The following STK38 variants were observed in gnomAD, a reference collection of about 807,000 sequenced individuals.
STK38 encodes the protein serine/threonine kinase 38.
STK38 carries 26 observed loss-of-function variants against 59.0 expected under a neutral mutation model. That is an observed-to-expected ratio of 0.44 (90% CI 0.32 to 0.61). The LOEUF (loss-of-function observed/expected upper bound fraction) is 0.61, where lower values mean the gene tolerates loss of function less well. Ranked by LOEUF, STK38 falls within the 20% of genes least tolerant of loss-of-function variation. The pLI, the probability that STK38 is intolerant of heterozygous loss-of-function variation, is 0.04. For synonymous variants in STK38, 175 were observed against 176.6 expected, an observed-to-expected ratio of 0.99 and a Z score of 0.07; for missense variants, 433 against 566.0, an observed-to-expected ratio of 0.76 and a Z score of 2.38.
intron 7 of STK38, among the ~76,000 whole-genome samples, chr6:36,509,500 G>A (rs1211008473): frequency 2.0e-5 from 3 of 151,160 alleles, no homozygotes; most frequent in Non-Finnish European, 4.4e-5. Flanking sequence ...GAAAGCTTAG[G>A]TTAGATAACA....
chr6:36,545,145 T>C (rs921036034), intron 1 of STK38, among the ~76,000 whole-genome samples: 6 of 151,556 alleles, frequency 4.0e-5, no homozygotes, highest in Non-Finnish European at 8.8e-5. Context: ...CAAAAAAAAT[T>C]AGCCGGGTGT....
At chr6:36,529,774 CA>C (rs1443613193) in intron 2 of STK38, among the ~76,000 whole-genome samples, 2 of 152,318 alleles carry the variant, frequency 1.3e-5, no homozygotes, top group Admixed American at 6.5e-5. Context: ...AATGTGCAGA[CA>C]CATTCATGAC....
At chr6:36,534,580 G>A (rs1003937451) in intron 2 of STK38, among the ~76,000 whole-genome samples, 1 of 152,022 alleles carries the variant, frequency 6.6e-6, no homozygotes, top group Non-Finnish European at 1.5e-5. Flanking sequence ...TCGAGCCCAG[G>A]AGGTCAAGGC....
intron 2 of STK38, among the ~76,000 whole-genome samples, chr6:36,527,207 A>AAAAAAAATATATATAT (rs60162863): frequency 2.5e-5 from 3 of 119,352 alleles, no homozygotes; most frequent in African/African-American, 1.0e-4. Flanking sequence ...AAAAAAAAAA[A>AAAAAAAATATATATAT]ATATATGTAT....
chr6:36,535,317 C>A (rs1368800673), intron 2 of STK38, among the ~76,000 whole-genome samples: 1 of 151,852 alleles, frequency 6.6e-6, no homozygotes, highest in Non-Finnish European at 1.5e-5. Flanking sequence ...ACGGTGGTGG[C>A]AGGTGCCTGT....
At position 36,542,661 on chromosome 6, in the gene STK38, T is replaced by C. The variant is rs895303027; in HGVS notation, c.-5-2454A>G. 2.9e-4 allele frequency among the ~76,000 whole-genome samples: 44 copies of C among 149,956 alleles called. 1 individual carries two copies. Among genetic ancestry groups the C allele is most frequent in the African/African-American group, 1.0e-3 (41 of 40,596 alleles). ...TCAGTCTCAAAAATAAATAATAAAA[T>C]CGGCTGAGCGCGGTGGCTCACGCCT... is the stretch of plus-strand genomic sequence containing the variant. On this transcript the variant is annotated intron_variant, in intron 1 of 13. Coordinates refer to ENST00000229812, the MANE Select transcript of STK38 (RefSeq NM_007271.4).
At chr6:36,525,316 C>A (rs77778715) in intron 3 of STK38, among the ~76,000 whole-genome samples, 1 of 142,910 alleles carries the variant, frequency 7.0e-6, no homozygotes, top group Non-Finnish European at 1.5e-5. Context: ...CTACAACTTG[C>A]TCTTTTAAAA....
intron 7 of STK38, among the ~76,000 whole-genome samples, chr6:36,510,290 C>CA (rs1409097656): frequency 4.6e-5 from 7 of 152,252 alleles, no homozygotes; most frequent in African/African-American, 1.7e-4. Context: ...GCTGAGGCTG[C>CA]AGGGGGCTAG....
In STK38 at chr6:36,513,705, C is replaced by T. The variant is rs536335942; in HGVS notation, c.669+1633G>A. On this transcript the variant is annotated intron_variant, in intron 7 of 13. Coordinates refer to ENST00000229812, the MANE Select transcript of STK38 (RefSeq NM_007271.4). ...TGTCCACTATTCTACTCCACTTCTG[C>T]ACATTATAATGAAGAAAAAAGCAGG... Among the ~76,000 whole-genome samples, 19 of 152,032 alleles carry T rather than the reference C, an allele frequency of 1.2e-4. 1 individual carries two copies. In the South Asian group the frequency reaches 3.7e-3, roughly 30 times the overall value.
At chr6:36,533,045 A>ACTCCAG (rs1777704714) in intron 2 of STK38, among the ~76,000 whole-genome samples, 3 of 150,906 alleles carry the variant, frequency 2.0e-5, no homozygotes, top group Middle Eastern at 3.4e-3. Context: ...CAGCCTGTGC[A>ACTCCAG]ACAGAGTGAG....
At chr6:36,530,816 A>C (rs1372514282) in intron 2 of STK38, among the ~76,000 whole-genome samples, 2 of 150,774 alleles carry the variant, frequency 1.3e-5, no homozygotes, top group East Asian at 3.9e-4. Flanking sequence ...CAACCTCCCG[A>C]GTAGCTGGGA....
intron 8 of STK38, 24 bp downstream of exon 8, chr6:36,507,476 G>A: frequency 6.3e-7 from 1 of 1,599,474 alleles, no homozygotes; most frequent in Non-Finnish European, 8.6e-7. Flanking sequence ...GAACGAAAAG[G>A]CTAACGTAAT....
At chr6:36,524,650 C>T (rs973830858) in intron 3 of STK38, among the ~76,000 whole-genome samples, 187 bp from the exon 4 acceptor site, 1 of 152,174 alleles carries the variant, frequency 6.6e-6, no homozygotes, top group African/African-American at 2.4e-5. Context: ...GGCATTTAGA[C>T]ACAACATCCA....
intron 13 of STK38, among the ~76,000 whole-genome samples, chr6:36,496,338 G>A (rs1467422891): frequency 6.6e-6 from 1 of 151,928 alleles, no homozygotes; most frequent in African/African-American, 2.4e-5. Flanking sequence ...CACCGCGCCT[G>A]GCCTCACTCT....
intron 2 of STK38, among the ~76,000 whole-genome samples, chr6:36,526,040 G>A (rs554479671): frequency 7.9e-5 from 12 of 152,228 alleles, no homozygotes; most frequent in Admixed American, 2.6e-4. Flanking sequence ...TTGTAGAAAT[G>A]AGGTCTCATT....
chr6:36,537,453 TAGA>T (rs1561992638), intron 2 of STK38, among the ~76,000 whole-genome samples: 1 of 152,176 alleles, frequency 6.6e-6, no homozygotes, highest in East Asian at 1.9e-4. Flanking sequence ...AAAATGTTCA[TAGA>T]AGTTTATTCA....
At chr6:36,537,727 G>T (rs562002474) in intron 2 of STK38, among the ~76,000 whole-genome samples, 1 of 152,046 alleles carries the variant, frequency 6.6e-6, no homozygotes, top group South Asian at 2.1e-4. Context: ...GTGAGACCCT[G>T]TCTCTACAGA....
intron 4 of STK38, chr6:36,522,165 AATG>A (rs1777391374): frequency 5.5e-6 from 1 of 180,690 alleles, no homozygotes; most frequent in African/African-American, 2.4e-5. Flanking sequence ...AAATGATTAC[AATG>A]ATGTTTAATT....
intron 7 of STK38, among the ~76,000 whole-genome samples, chr6:36,509,724 G>A (rs1777059054): frequency 6.6e-6 from 1 of 152,142 alleles, no homozygotes; most frequent in Admixed American, 6.5e-5. Flanking sequence ...GGCCGAGGCT[G>A]CTACAACTCT....
Sources: allele counts gnomAD v4.1 joint callset (sites outside exome capture counted in the v4.1 genomes callset), GRCh38; gene constraint gnomAD v4.1.1; transcripts MANE v1.5; gene names NCBI Gene and HGNC (gene_info 2026-07-23, HGNC 2026-07-21).